SLC1A2: variants seen among roughly 807,000 people sequenced by gnomAD.
SLC1A2 encodes the protein excitatory amino acid transporter 2.
In SLC1A2, 15 loss-of-function variants were observed where a neutral mutation model predicts 48.8. The observed-to-expected ratio is 0.31, with a 90% confidence interval of 0.21 to 0.47. The LOEUF (loss-of-function observed/expected upper bound fraction) is 0.47. SLC1A2 is among the 20% of genes least tolerant of loss of function. The pLI, the probability that SLC1A2 is intolerant of heterozygous loss-of-function variation, is 0.99. For synonymous variants in SLC1A2, 279 were observed against 272.6 expected, an observed-to-expected ratio of 1.02 and a Z score of -0.23; for missense variants, 502 against 730.5, an observed-to-expected ratio of 0.69 and a Z score of 3.61.
At position 35,265,697 on chromosome 11, in the gene SLC1A2, G is replaced by A. The variant is rs369580266; in HGVS notation, c.1483C>T (p.His495Tyr). 6.2e-6 allele frequency: 10 copies of A among 1,613,912 alleles called. No homozygotes were observed. The highest frequency in any genetic ancestry group is 8.5e-6 in the Non-Finnish European group (10 of 1,179,874). Reference sequence around the variant, plus strand: ...GTATCCAGCTCAGACTTGGAGAGGTGATAGACTATCCCAGCCCCAAAAGAG... The same window carrying A: ...GTATCCAGCTCAGACTTGGAGAGGTAATAGACTATCCCAGCCCCAAAAGAG... ...GDSFGAGIVYHLSKSELDTID... is the reference protein window; with the variant it reads ...GDSFGAGIVYYLSKSELDTID... The change falls in exon 10 of 11, where the codon CAC (histidine) becomes TAC (tyrosine). Residue 495 changes from histidine (H) to tyrosine (Y), a missense_variant. Physicochemically the swap from His to Tyr is moderately conservative, Grantham distance 83 (BLOSUM62 2). Coordinates refer to ENST00000278379, the MANE Select transcript of SLC1A2 (RefSeq NM_004171.4).
intron 4 of SLC1A2, chr11:35,306,986 C>G (rs1851531594): frequency 6.6e-6 from 1 of 152,218 alleles, no homozygotes. Context: ...GATTGTAGCT[C>G]AGAAACAGTA....
At chr11:35,282,309 G>A (rs530311266) in intron 8 of SLC1A2, among the ~76,000 whole-genome samples, 1 of 152,166 alleles carries the variant, frequency 6.6e-6, no homozygotes, top group Admixed American at 6.5e-5. Context: ...AAGTTCTGCA[G>A]TTGAACAACC....
chr11:35,255,273 C>G lies in SLC1A2; in HGVS notation c.*5621G>C, dbSNP rs1816800047. The G allele has an allele frequency of 6.1e-6, 1 of 163,984 alleles. No homozygotes were observed. The highest frequency in any genetic ancestry group is 2.4e-5 in the African/African-American group (1 of 41,548). 10.2% of individuals were successfully genotyped at this position (163,984 alleles called of 1,614,324 possible). A position where few individuals can be genotyped will look rare whatever the true frequency, so the allele number is the denominator to read the frequency against. ...GCAAGAGGTTGTTTAAAGATCATGG[C>G]TGGTGACATGGACCTTGTAGACCAT... On this transcript the variant is annotated 3_prime_UTR_variant, in exon 11 of 11. Coordinates refer to ENST00000278379, the MANE Select transcript of SLC1A2 (RefSeq NM_004171.4).
At chr11:35,348,287 C>T (rs1328065845) in intron 1 of SLC1A2, among the ~76,000 whole-genome samples, 1 of 152,136 alleles carries the variant, frequency 6.6e-6, no homozygotes, top group South Asian at 2.1e-4. Flanking sequence ...CTTGGCCTCC[C>T]CTGGAGTTGG....
intron 10 of SLC1A2, chr11:35,261,645 C>G (rs1407395307): frequency 2.3e-5 from 9 of 398,566 alleles, no homozygotes; most frequent in African/African-American, 1.6e-4. Context: ...TTCCCCTCCA[C>G]TTCTAAGTAG....
At chr11:35,392,643 G>T (rs1410064773) in intron 1 of SLC1A2, among the ~76,000 whole-genome samples, 1 of 152,162 alleles carries the variant, frequency 6.6e-6, no homozygotes, top group African/African-American at 2.4e-5. Flanking sequence ...TAAGACTCCC[G>T]GGGTTCCCAC....
At chr11:35,354,281 G>A (rs931583763) in intron 1 of SLC1A2, among the ~76,000 whole-genome samples, 5 of 151,762 alleles carry the variant, frequency 3.3e-5, no homozygotes, top group Admixed American at 2.0e-4. Flanking sequence ...ACAAGACCCC[G>A]TGTCTACAAA....
At chr11:35,415,360 A>T (rs1855575226) in intron 1 of SLC1A2, among the ~76,000 whole-genome samples, 1 of 152,208 alleles carries the variant, frequency 6.6e-6, no homozygotes, top group Non-Finnish European at 1.5e-5. Flanking sequence ...GCTTTCAATT[A>T]CTCACAAGCG....
At chr11:35,332,446 A>G (rs1312973352) in intron 1 of SLC1A2, among the ~76,000 whole-genome samples, 1 of 152,254 alleles carries the variant, frequency 6.6e-6, no homozygotes, top group African/African-American at 2.4e-5. Context: ...TTAAATTATG[A>G]CATCAAAGCA....
intron 5 of SLC1A2, among the ~76,000 whole-genome samples, chr11:35,302,545 C>T (rs1040637137): frequency 6.6e-6 from 1 of 152,158 alleles, no homozygotes; most frequent in African/African-American, 2.4e-5. Flanking sequence ...TTCATGTCAG[C>T]ATCACATTGC....
chr11:35,322,167 T>A (rs1852093750), intron 1 of SLC1A2, among the ~76,000 whole-genome samples: 1 of 152,116 alleles, frequency 6.6e-6, no homozygotes, highest in Admixed American at 6.5e-5. Context: ...AAACAGCTGT[T>A]AATATTGCAA....
intron 1 of SLC1A2, among the ~76,000 whole-genome samples, chr11:35,381,649 A>G (rs562991398): frequency 6.6e-6 from 1 of 152,170 alleles, no homozygotes; most frequent in African/African-American, 2.4e-5. Flanking sequence ...CAGCCTGTCC[A>G]CTCATGCCTA....
intron 1 of SLC1A2, among the ~76,000 whole-genome samples, chr11:35,361,827 A>T (rs1477999531): frequency 6.6e-6 from 1 of 152,048 alleles, no homozygotes; most frequent in African/African-American, 2.4e-5. Flanking sequence ...AAATACAAAA[A>T]TTAACTGGGC....
chr11:35,272,168 T>G (rs953418621), intron 9 of SLC1A2, among the ~76,000 whole-genome samples: 1 of 151,972 alleles, frequency 6.6e-6, no homozygotes, highest in Non-Finnish European at 1.5e-5. Context: ...AGGGAATAAT[T>G]GATGAAGTTA....
intron 6 of SLC1A2, among the ~76,000 whole-genome samples, chr11:35,295,648 G>T (rs1299256397): frequency 1.3e-5 from 2 of 152,198 alleles, no homozygotes; most frequent in African/African-American, 2.4e-5. Flanking sequence ...TGGGGAGAGG[G>T]AATGGCTCCC....
chr11:35,302,786 A>G (rs1261353164), intron 5 of SLC1A2, among the ~76,000 whole-genome samples: 3 of 151,168 alleles, frequency 2.0e-5, no homozygotes, highest in Non-Finnish European at 4.4e-5. Context: ...ACTGGGGCAC[A>G]TTGTGCGGCT....
At chr11:35,351,904 G>A (rs1328478487) in intron 1 of SLC1A2, among the ~76,000 whole-genome samples, 1 of 152,170 alleles carries the variant, frequency 6.6e-6, no homozygotes, top group African/African-American at 2.4e-5. Flanking sequence ...AAATTGGTGG[G>A]ATTACAGGCG....
At chr11:35,351,585 A>G (rs1337417888) in intron 1 of SLC1A2, among the ~76,000 whole-genome samples, 1 of 152,174 alleles carries the variant, frequency 6.6e-6, no homozygotes, top group East Asian at 1.9e-4. Flanking sequence ...TTAAAAGGTA[A>G]GACAGAAAAC....
At chr11:35,409,850 AG>A (rs1855407799) in intron 1 of SLC1A2, among the ~76,000 whole-genome samples, 1 of 152,192 alleles carries the variant, frequency 6.6e-6, no homozygotes. Flanking sequence ...TGGAAGCTGC[AG>A]TGAGCCGAGA....
Sources: gnomAD v4.1 joint callset for allele counts (sites outside exome capture counted in the v4.1 genomes callset) on GRCh38, gnomAD v4.1.1 for gene constraint, MANE v1.5 for transcripts, NCBI Gene and HGNC (gene_info 2026-07-23, HGNC 2026-07-21) for gene names.